The following SLC4A7 variants were observed in gnomAD, a reference collection of about 807,000 sequenced individuals.
SLC4A7 encodes sodium bicarbonate cotransporter 3.
SLC4A7 carries 51 observed loss-of-function variants against 137.6 expected under a neutral mutation model. That is an observed-to-expected ratio of 0.37 (90% CI 0.30 to 0.47). The LOEUF is 0.47. Ranked by LOEUF, SLC4A7 falls within the 20% of genes least tolerant of loss-of-function variation. The pLI is 1.00. For missense variants in SLC4A7, 1,247 were observed against 1,525.4 expected (o/e 0.82, Z 3.04); for synonymous variants, 542 against 518.6 (o/e 1.05, Z -0.61).
chr3:27,439,844 C>G (rs2057049479), intron 3 of SLC4A7, among the ~76,000 whole-genome samples: 1 of 152,206 alleles, frequency 6.6e-6, no homozygotes, highest in African/African-American at 2.4e-5. Flanking sequence ...GTGATGTTGA[C>G]TATATGGTGG....
chr3:27,454,886 G>A (rs1041372679), intron 1 of SLC4A7, among the ~76,000 whole-genome samples: 2 of 151,784 alleles, frequency 1.3e-5, no homozygotes, highest in Admixed American at 6.6e-5. Flanking sequence ...AACAGCTTAA[G>A]TTATATAATC....
At chr3:27,480,441 C>A (rs879474093) in intron 1 of SLC4A7, among the ~76,000 whole-genome samples, 1 of 152,082 alleles carries the variant, frequency 6.6e-6, no homozygotes, top group African/African-American at 2.4e-5. Context: ...GTTGCCCAGG[C>A]TGGTCTCAAA....
intron 14 of SLC4A7, among the ~76,000 whole-genome samples, 173 bp from the exon 15 acceptor site, chr3:27,403,557 G>C (rs543155453): frequency 6.7e-6 from 1 of 150,308 alleles, no homozygotes; most frequent in East Asian, 1.9e-4. Flanking sequence ...TTCTGCTTCG[G>C]CTGAAGACTA....
chr3:27,482,391 T>C (rs562574573), intron 1 of SLC4A7, among the ~76,000 whole-genome samples: 1 of 152,246 alleles, frequency 6.6e-6, no homozygotes, highest in Admixed American at 6.5e-5. Context: ...AATTGAAAAT[T>C]TGCAAATAAA....
At chr3:27,473,217 T>C (rs1468110614) in intron 1 of SLC4A7, among the ~76,000 whole-genome samples, 2 of 152,122 alleles carry the variant, frequency 1.3e-5, no homozygotes, top group Non-Finnish European at 2.9e-5. Context: ...GAGGACCACT[T>C]GAGCCCAGGA....
chr3:27,411,804 G>T, intron 11 of SLC4A7, 56 bp from the exon 12 acceptor site: 1 of 839,166 alleles, frequency 1.2e-6, no homozygotes, highest in African/African-American at 1.8e-5. Context: ...AACTTGAGAT[G>T]GCATCTTCAA....
intron 23 of SLC4A7, among the ~76,000 whole-genome samples, chr3:27,383,798 T>C (rs752108428): frequency 2.6e-5 from 4 of 152,192 alleles, no homozygotes; most frequent in Non-Finnish European, 4.4e-5. Flanking sequence ...CTCTCGGCAA[T>C]GTCTCAAATA....
chr3:27,396,884 G>C (rs2052226519), intron 18 of SLC4A7, among the ~76,000 whole-genome samples: 1 of 152,114 alleles, frequency 6.6e-6, no homozygotes, highest in Non-Finnish European at 1.5e-5. Context: ...TGGATGCTCA[G>C]ATCATTTTTC....
intron 24 of SLC4A7, among the ~76,000 whole-genome samples, chr3:27,379,710 C>CA (rs11439531): frequency 0.18 from 27,408 of 150,252 alleles, 2,879 homozygotes; most frequent in Non-Finnish European, 0.25. Context: ...CTTATACATA[C>CA]AAAAAAAAAT....
At chr3:27,418,403 G>A in intron 11 of SLC4A7, 83 bp downstream of exon 11, 1 of 1,094,368 alleles carries the variant, frequency 9.1e-7, no homozygotes, top group East Asian at 2.7e-5. Flanking sequence ...AAACTTCTCT[G>A]TTTTGGTTTT....
intron 11 of SLC4A7, among the ~76,000 whole-genome samples, chr3:27,415,769 T>C (rs553116894): frequency 7.7e-4 from 118 of 152,374 alleles, no homozygotes; most frequent in African/African-American, 2.3e-3. Flanking sequence ...CTTGGTCGTA[T>C]CAGAATCTAT....
At chr3:27,417,160 A>G (rs1032623453) in intron 11 of SLC4A7, among the ~76,000 whole-genome samples, 1 of 152,204 alleles carries the variant, frequency 6.6e-6, no homozygotes, top group Non-Finnish European at 1.5e-5. Flanking sequence ...ACAACAAAAC[A>G]AAGTCCAAAA....
chr3:27,379,438 C>T (rs2150002367), intron 24 of SLC4A7, 82 bp from the exon 25 acceptor site: 1 of 698,374 alleles, frequency 1.4e-6, no homozygotes, highest in East Asian at 2.8e-5. Context: ...CTGCTTTCAT[C>T]AACTAAATTG....
rs1179620551 is a variant in SLC4A7 at position 27,374,996 on chromosome 3, A to G, written c.*1768T>C. The G allele has an allele frequency of 6.6e-6, 1 of 152,326 alleles. No individual in the cohort carries two copies. The highest frequency in any genetic ancestry group is 1.5e-5 in the Non-Finnish European group (1 of 67,884). 9.4% of individuals were successfully genotyped at this position (152,326 alleles called of 1,614,324 possible). On this transcript the variant is annotated 3_prime_UTR_variant, in exon 26 of 26. Transcript: ENST00000454389. ...AGTCTAACTCTTTTTAGGCAGTACC[A>G]AATGATGACAGCTACATATTTTCTA...
At chr3:27,401,606 AC>A (rs910448391) in intron 15 of SLC4A7, among the ~76,000 whole-genome samples, 3 of 152,162 alleles carry the variant, frequency 2.0e-5, no homozygotes, top group Admixed American at 6.5e-5. Flanking sequence ...CCAAGTTTTA[AC>A]CTCCAAGGCC....
chr3:27,484,008 G>C, intron 1 of SLC4A7, 59 bp downstream of exon 1: 1 of 1,268,724 alleles, frequency 7.9e-7, no homozygotes, highest in South Asian at 2.2e-5. Flanking sequence ...CCCCGCCTTT[G>C]TCTGCCTCGC....
chr3:27,452,384 C>T (rs773894154), intron 2 of SLC4A7, 33 bp downstream of exon 2: 3 of 1,366,370 alleles, frequency 2.2e-6, no homozygotes, highest in African/African-American at 1.4e-5. Flanking sequence ...AATTATCCTA[C>T]TAAGCGAAGT....
intron 1 of SLC4A7, among the ~76,000 whole-genome samples, chr3:27,479,566 GCAA>G (rs1296164122): frequency 6.6e-6 from 1 of 152,176 alleles, no homozygotes; most frequent in African/African-American, 2.4e-5. Flanking sequence ...ATTGTCAACA[GCAA>G]CACTGCCAAA....
chr3:27,401,709 A>G (rs1297195524), intron 15 of SLC4A7, among the ~76,000 whole-genome samples: 1 of 152,214 alleles, frequency 6.6e-6, no homozygotes, highest in African/African-American at 2.4e-5. Flanking sequence ...CACTCCTAAC[A>G]CAGTGCCTGC....
Sources: gnomAD v4.1 joint callset for allele counts (sites outside exome capture counted in the v4.1 genomes callset) on GRCh38, gnomAD v4.1.1 for gene constraint, MANE v1.5 for transcripts, NCBI Gene and HGNC (gene_info 2026-07-23, HGNC 2026-07-21) for gene names.